NOTCH2NLC: variants seen among roughly 807,000 people sequenced by gnomAD.
The protein encoded by NOTCH2NLC is notch 2 N-terminal like C, also known as notch homolog 2 N-terminal-like protein C.
In NOTCH2NLC, 4 loss-of-function variants were observed where a neutral mutation model predicts 17.7. The observed-to-expected ratio is 0.23, with a 90% CI of 0.11 to 0.52. NOTCH2NLC has a LOEUF of 0.52. Ranked by LOEUF, NOTCH2NLC falls within the 20% of genes least tolerant of loss-of-function variation. NOTCH2NLC has a pLI of 0.96. For synonymous variants in NOTCH2NLC, 18 were observed against 86.0 expected (o/e 0.21, Z 4.38); for missense variants, 57 against 207.2 (o/e 0.28, Z 4.45).
chr1:149,446,781 T>G (rs1336121084), intron 2 of NOTCH2NLC, among the ~76,000 whole-genome samples: 4 of 102,780 alleles, frequency 3.9e-5, no homozygotes, highest in Non-Finnish European at 7.9e-5. Flanking sequence ...CTTTCAGAGT[T>G]CCAATGCTAG....
intron 1 of NOTCH2NLC, among the ~76,000 whole-genome samples, chr1:149,427,176 A>C (rs2084417563): frequency 6.6e-6 from 1 of 151,232 alleles, no homozygotes; most frequent in South Asian, 2.1e-4. Context: ...TGAAATGTAT[A>C]ATACCCTATT....
chr1:149,398,668 A>G lies in NOTCH2NLC; in HGVS notation c.135+7746A>G, dbSNP rs1296658643. Among the ~76,000 whole-genome samples, 395 of 151,250 alleles carry G rather than the reference A, an allele frequency of 2.6e-3. 16 individuals are homozygous for G. Among genetic ancestry groups the G allele is most frequent in the Non-Finnish European group, 4.2e-3 (283 of 67,620 alleles). On this transcript the variant is annotated intron_variant, in intron 1 of 4. Coordinates refer to ENST00000650865, the MANE Select transcript of NOTCH2NLC (RefSeq NM_001364013.2). ...CCTTAGTGTCCCTTGCCCCTCTCGC[A>G]TTTCCAGCCAGCTACGTCGCTCCAG...
intron 3 of NOTCH2NLC, among the ~76,000 whole-genome samples, chr1:149,460,915 CTCTCTCTT>C (rs1463307580): frequency 7.7e-5 from 9 of 116,334 alleles, no homozygotes; most frequent in Non-Finnish European, 1.5e-4. Flanking sequence ...TTCTTTCTTT[CTCTCTCTT>C]TCTCTCTTTC....
At chr1:149,393,006 C>G in intron 1 of NOTCH2NLC, among the ~76,000 whole-genome samples, 1 of 136,036 alleles carries the variant, frequency 7.4e-6, no homozygotes, top group Non-Finnish European at 1.6e-5. Flanking sequence ...GGAGGCGGAG[C>G]TTGCAGTGAG....
At chr1:149,412,954 G>A (rs2084307998) in intron 1 of NOTCH2NLC, among the ~76,000 whole-genome samples, 1 of 136,262 alleles carries the variant, frequency 7.3e-6, no homozygotes, top group Non-Finnish European at 1.6e-5. Flanking sequence ...ACCCAGACTG[G>A]AGGGCAGTGG....
intron 1 of NOTCH2NLC, among the ~76,000 whole-genome samples, chr1:149,413,548 A>T (rs1221729407): frequency 6.6e-6 from 1 of 151,124 alleles, no homozygotes; most frequent in Non-Finnish European, 1.5e-5. Context: ...ATTACCAATT[A>T]TTTTGATACA....
At chr1:149,412,963 G>T (rs1463683507) in intron 1 of NOTCH2NLC, among the ~76,000 whole-genome samples, 1 of 133,892 alleles carries the variant, frequency 7.5e-6, no homozygotes, top group African/African-American at 2.8e-5. Flanking sequence ...GGAGGGCAGT[G>T]GTGCGATGTT....
At position 149,456,680 on chromosome 1, in the gene NOTCH2NLC, G is replaced by A. The variant is rs1346621194; in HGVS notation, c.469+1103G>A. On this transcript the variant is annotated intron_variant, in intron 3 of 4. Coordinates refer to ENST00000650865, the MANE Select transcript of NOTCH2NLC (RefSeq NM_001364013.2). Reference sequence around the variant, plus strand: ...CCAACCTCTGAGTTGCCTTTCACCTGTCTATTCCTCCCATTTCCTCTGCTA... The same window carrying A: ...CCAACCTCTGAGTTGCCTTTCACCTATCTATTCCTCCCATTTCCTCTGCTA... Among the ~76,000 whole-genome samples, 2 of 12,930 alleles carry A rather than the reference G, an allele frequency of 1.5e-4. 1 individual carries two copies. The highest frequency in any genetic ancestry group is 2.0e-3 in the Admixed American group (2 of 988). 8.5% of individuals were successfully genotyped at this position (12,930 alleles called of 152,430 possible). A position where few individuals can be genotyped will look rare whatever the true frequency, so the allele number is the denominator to read the frequency against.
In NOTCH2NLC at chr1:149,419,855, A is replaced by ATTT. The variant is rs1166865199; in HGVS notation, c.136-11063_136-11061dup. Among the ~76,000 whole-genome samples, 53 of 78,204 alleles carry ATTT rather than the reference A, an allele frequency of 6.8e-4. 1 individual carries two copies. The highest frequency in any genetic ancestry group is 1.1e-3 in the African/African-American group (19 of 17,232). 51.3% of individuals were successfully genotyped at this position (78,204 alleles called of 152,430 possible). On this transcript the variant is annotated intron_variant, in intron 1 of 4. Coordinates refer to ENST00000650865, the MANE Select transcript of NOTCH2NLC (RefSeq NM_001364013.2). The stretch of plus-strand genomic sequence containing the variant: ...GAAGTTCAGGAATATATATATATAT[A>ATTT]TTTTTTTTTTTTTTTTTTTTTTTTT...
intron 1 of NOTCH2NLC, among the ~76,000 whole-genome samples, chr1:149,419,942 T>C (rs2084370107): frequency 7.5e-6 from 1 of 134,106 alleles, no homozygotes; most frequent in Admixed American, 7.6e-5. Flanking sequence ...TCTCGGCTCA[T>C]TGCAAGCTCC....
At position 149,460,879 on chromosome 1, in the gene NOTCH2NLC, CTTT is replaced by C. The variant is rs2084643235; in HGVS notation, c.470-2611_470-2609del. Among the ~76,000 whole-genome samples the C allele has an allele frequency of 1.1e-4, 13 of 121,490 alleles. 1 individual carries two copies. Among genetic ancestry groups the C allele is most frequent in the Non-Finnish European group, 2.4e-4 (13 of 53,966 alleles). 79.7% of individuals were successfully genotyped at this position (121,490 alleles called of 152,430 possible). A position where few individuals can be genotyped will look rare whatever the true frequency, so the allele number is the denominator to read the frequency against. On this transcript the variant is annotated intron_variant, in intron 3 of 4. Coordinates refer to ENST00000650865, the MANE Select transcript of NOTCH2NLC (RefSeq NM_001364013.2). ...CCTTTCTTTCTTTCTTTCTTTCTTT[CTTT>C]CTTTCTTTCTTTCTTTCTTTCTTTC... is the stretch of plus-strand genomic sequence containing the variant.
chr1:149,427,583 C>G (rs1177488224), intron 1 of NOTCH2NLC, among the ~76,000 whole-genome samples: 3 of 69,944 alleles, frequency 4.3e-5, no homozygotes, highest in Admixed American at 3.0e-4. Flanking sequence ...ACTGCAACCT[C>G]CGCCCCCCAG....
At position 149,433,950 on chromosome 1, in the gene NOTCH2NLC, A is replaced by G. The variant is rs1391174196; in HGVS notation, c.209+2935A>G. ...GCGACAGAGTGAGACTGTGTCTCCA[A>G]AAAAAAAAAAAAAGAAAATGGAGCT... On this transcript the variant is annotated intron_variant, in intron 2 of 4. Coordinates refer to ENST00000650865, the MANE Select transcript of NOTCH2NLC (RefSeq NM_001364013.2). Among the ~76,000 whole-genome samples the G allele has an allele frequency of 1.9e-4, 27 of 142,774 alleles. 3 individuals carry two copies. Among genetic ancestry groups the G allele is most frequent in the Non-Finnish European group, 3.4e-4 (22 of 64,644 alleles). The allele number at this position is 142,774 out of a possible 152,430, so 93.7% of individuals were successfully genotyped here.
Position 149,443,600 on chromosome 1 carries a change from T to G in NOTCH2NLC, c.210-11718T>G, listed in dbSNP as rs1345956846. 6.0e-5 allele frequency among the ~76,000 whole-genome samples: 9 copies of G among 151,162 alleles called. 1 individual carries two copies. Among genetic ancestry groups the G allele is most frequent in the Non-Finnish European group, 1.0e-4 (7 of 67,552 alleles). On this transcript the variant is annotated intron_variant, in intron 2 of 4. Transcript: ENST00000650865. ...CATTTAAGTTGAGACTTAATGAAATTTTAGGGCTTAGCCATGAGAAGGTGG... is the reference window on the plus strand; with the variant it reads ...CATTTAAGTTGAGACTTAATGAAATGTTAGGGCTTAGCCATGAGAAGGTGG...
In NOTCH2NLC at chr1:149,413,352, C is replaced by T. The variant is rs1280060308; in HGVS notation, c.136-17590C>T. ...ATGCTATGGAACCCTTCAGGGATGT[C>T]GGTGAAACCTGAAAAGGGAAGTTGA... On this transcript the variant is annotated intron_variant, in intron 1 of 4. Transcript: ENST00000650865. Among the ~76,000 whole-genome samples, 229 of 151,120 alleles carry T rather than the reference C, an allele frequency of 1.5e-3. 14 individuals are homozygous for T. Among genetic ancestry groups the T allele is most frequent in the Middle Eastern group, 6.9e-3 (2 of 290 alleles).
chr1:149,419,709 A>G (rs2084367786), intron 1 of NOTCH2NLC, among the ~76,000 whole-genome samples: 1 of 150,146 alleles, frequency 6.7e-6, no homozygotes, highest in Admixed American at 6.7e-5. Context: ...TCCTCATCAA[A>G]TATCATTAAG....
At chr1:149,427,492 CTTTTTTTTTTT>C (rs1171198772) in intron 1 of NOTCH2NLC, among the ~76,000 whole-genome samples, 8 of 87,342 alleles carry the variant, frequency 9.2e-5, no homozygotes, top group South Asian at 4.2e-4. Context: ...TCTACCACAG[CTTTTTTTTTTT>C]TTTTTTTTTT....
intron 3 of NOTCH2NLC, among the ~76,000 whole-genome samples, chr1:149,460,854 CCTTTCTTTCTTT>C (rs1169297627): frequency 0.26 from 29,819 of 113,592 alleles, 4,027 homozygotes; most frequent in African/African-American, 0.29. Context: ...TTTCTTTCTC[CCTTTCTTTCTTT>C]CTTTCTTTCT....
chr1:149,423,864 A>T (rs2084395376), intron 1 of NOTCH2NLC, among the ~76,000 whole-genome samples: 1 of 148,306 alleles, frequency 6.7e-6, no homozygotes, highest in African/African-American at 2.5e-5. Context: ...GAAGCTACAA[A>T]GCAACAAGTA....
Sources: gnomAD v4.1 joint callset for allele counts (sites outside exome capture counted in the v4.1 genomes callset) on GRCh38, gnomAD v4.1.1 for gene constraint, MANE v1.5 for transcripts, NCBI Gene and HGNC (gene_info 2026-07-23, HGNC 2026-07-21) for gene names.